KCNQ5: variants seen among roughly 807,000 people sequenced by gnomAD.
KCNQ5 encodes the protein potassium voltage-gated channel subfamily KQT member 5.
In KCNQ5, 30 loss-of-function variants were observed where a neutral mutation model predicts 98.2. That is an observed-to-expected ratio of 0.31 (90% CI 0.23 to 0.41). The LOEUF is 0.41. Ranked by LOEUF, KCNQ5 falls within the 10% of genes least tolerant of loss-of-function variation. The pLI is 1.00. For synonymous variants in KCNQ5, 458 were observed against 449.4 expected, an observed-to-expected ratio of 1.02 and a Z score of -0.24; for missense variants, 835 against 1,182.5, an observed-to-expected ratio of 0.71 and a Z score of 4.31.
At chr6:72,999,333 T>A (rs1481848134) in intron 1 of KCNQ5, among the ~76,000 whole-genome samples, 1 of 152,236 alleles carries the variant, frequency 6.6e-6, no homozygotes, top group Non-Finnish European at 1.5e-5. Flanking sequence ...TCTTTTTCTC[T>A]TACAATAATC....
At chr6:72,683,363 CTTTT>C (rs142268901) in intron 1 of KCNQ5, among the ~76,000 whole-genome samples, 71 of 113,254 alleles carry the variant, frequency 6.3e-4, no homozygotes, top group East Asian at 6.1e-3. Flanking sequence ...GCCACATATA[CTTTT>C]TTTTTTTTTT....
chr6:72,850,110 C>T (rs1239864087), intron 1 of KCNQ5, among the ~76,000 whole-genome samples: 19 of 151,656 alleles, frequency 1.3e-4, no homozygotes. Context: ...CTTCTTTTAC[C>T]CAAGATAAAA....
chr6:72,833,826 A>T (rs916638158), intron 1 of KCNQ5, among the ~76,000 whole-genome samples: 3 of 152,156 alleles, frequency 2.0e-5, no homozygotes, highest in African/African-American at 7.2e-5. Context: ...AAAAATTATG[A>T]CATATTTATA....
intron 1 of KCNQ5, among the ~76,000 whole-genome samples, chr6:72,707,493 A>G (rs1230810201): frequency 1.3e-5 from 2 of 152,236 alleles, no homozygotes; most frequent in Non-Finnish European, 2.9e-5. Context: ...AACAAAGTTT[A>G]TATTTGTTAA....
intron 3 of KCNQ5, among the ~76,000 whole-genome samples, chr6:73,070,184 A>G (rs778058435): frequency 6.6e-6 from 1 of 152,220 alleles, no homozygotes; most frequent in Non-Finnish European, 1.5e-5. Flanking sequence ...AAAAATAAAT[A>G]CGTTTACAAT....
At position 73,120,503 on chromosome 6, in the gene KCNQ5, A is replaced by G. The variant is rs544418404; in HGVS notation, c.1146A>G (p.Ala382=). 5.6e-6 allele frequency: 9 copies of G among 1,612,638 alleles called. No individual in the cohort carries two copies. In the East Asian group the frequency reaches 1.8e-4, roughly 32 times the overall value. Residue 382 remains alanine (A), a synonymous_variant, in exon 8 of 14, where the codon GCA becomes GCG. Coordinates refer to ENST00000370398, the MANE Select transcript of KCNQ5 (RefSeq NM_019842.4). ...TGCAGTGTGTTTGGCGTAGTTACGCAGCTGATGAGAAATCTGTTTCCATTG... is the reference window on the plus strand; with the variant it reads ...TGCAGTGTGTTTGGCGTAGTTACGCGGCTGATGAGAAATCTGTTTCCATTG... ...NLIQCVWRSY[A]ADEKSVSIAT... is the part of the protein sequence containing the mutation.
At chr6:73,129,938 G>T in intron 9 of KCNQ5, 2 of 1,002,438 alleles carry the variant, frequency 2.0e-6, no homozygotes, top group Non-Finnish European at 3.1e-6. Flanking sequence ...CCCCACCTGA[G>T]CCCTGTTCAG....
At chr6:72,953,910 CATT>C (rs1472092944) in intron 1 of KCNQ5, among the ~76,000 whole-genome samples, 1 of 152,092 alleles carries the variant, frequency 6.6e-6, no homozygotes, top group Non-Finnish European at 1.5e-5. Flanking sequence ...CACTCACAAT[CATT>C]AGTCTTTATC....
chr6:72,941,496 CT>C (rs1193115747), intron 1 of KCNQ5, among the ~76,000 whole-genome samples: 50 of 117,586 alleles, frequency 4.3e-4, no homozygotes, highest in Non-Finnish European at 5.9e-4. Flanking sequence ...CCCTTCTTTC[CT>C]TCCTTTTTCT....
At chr6:72,881,067 G>C (rs1043418370) in intron 1 of KCNQ5, among the ~76,000 whole-genome samples, 1 of 152,202 alleles carries the variant, frequency 6.6e-6, no homozygotes, top group South Asian at 2.1e-4. Context: ...AACTTTTAAT[G>C]AGTGATTGTC....
At chr6:72,746,745 T>C (rs952112134) in intron 1 of KCNQ5, among the ~76,000 whole-genome samples, 4 of 152,188 alleles carry the variant, frequency 2.6e-5, no homozygotes, top group Non-Finnish European at 5.9e-5. Flanking sequence ...GAAAATTTCA[T>C]TGAGGATAAT....
intron 10 of KCNQ5, among the ~76,000 whole-genome samples, chr6:73,158,976 G>T (rs961129940): frequency 1.3e-5 from 2 of 152,130 alleles, no homozygotes; most frequent in African/African-American, 4.8e-5. Flanking sequence ...TCTATAGTAG[G>T]TGATAAACAT....
intron 1 of KCNQ5, among the ~76,000 whole-genome samples, chr6:72,815,368 G>A (rs1378729383): frequency 6.6e-6 from 1 of 152,192 alleles, no homozygotes; most frequent in African/African-American, 2.4e-5. Context: ...TATAAACAAG[G>A]AGAGATGAAG....
At position 72,814,517 on chromosome 6, in the gene KCNQ5, G is replaced by A. The variant is rs566306598; in HGVS notation, c.399-189391G>A. On this transcript the variant is annotated intron_variant, in intron 1 of 13. Coordinates refer to ENST00000370398, the MANE Select transcript of KCNQ5 (RefSeq NM_019842.4). Reference sequence around the variant, plus strand: ...AGCAACGCCCGACACAGGAAGTTAAGCATTTTTGCATCATATGTCTTTTGC... The same window carrying A: ...AGCAACGCCCGACACAGGAAGTTAAACATTTTTGCATCATATGTCTTTTGC... Among the ~76,000 whole-genome samples the A allele has an allele frequency of 2.6e-5, 4 of 152,326 alleles. No individual in the cohort carries two copies. In the East Asian group the frequency reaches 5.8e-4, roughly 22 times the overall value.
At chr6:72,678,920 G>T (rs1004786441) in intron 1 of KCNQ5, among the ~76,000 whole-genome samples, 2 of 152,024 alleles carry the variant, frequency 1.3e-5, no homozygotes, top group Admixed American at 6.6e-5. Flanking sequence ...TATTAGAAAA[G>T]CCAATAAAAT....
intron 1 of KCNQ5, among the ~76,000 whole-genome samples, chr6:72,814,518 C>A (rs1009109197): frequency 3.4e-4 from 52 of 152,218 alleles, no homozygotes; most frequent in Admixed American, 2.3e-3. Context: ...GGAAGTTAAG[C>A]ATTTTTGCAT....
intron 9 of KCNQ5, among the ~76,000 whole-genome samples, chr6:73,132,959 G>T (rs1776293959): frequency 6.6e-6 from 1 of 152,204 alleles, no homozygotes; most frequent in Non-Finnish European, 1.5e-5. Context: ...AATATAAAAT[G>T]CATGCCAAAT....
chr6:72,685,864 C>A (rs1468049190), intron 1 of KCNQ5, among the ~76,000 whole-genome samples: 3 of 152,172 alleles, frequency 2.0e-5, no homozygotes, highest in African/African-American at 4.8e-5. Context: ...GTGGCTTAAA[C>A]AATAGACATT....
intron 1 of KCNQ5, among the ~76,000 whole-genome samples, chr6:72,965,408 G>A (rs1582101515): frequency 6.6e-6 from 1 of 152,162 alleles, no homozygotes; most frequent in Non-Finnish European, 1.5e-5. Context: ...ATATCCCTAC[G>A]AGCAATGGCT....
Sources: allele counts gnomAD v4.1 joint callset (sites outside exome capture counted in the v4.1 genomes callset), GRCh38; gene constraint gnomAD v4.1.1; transcripts MANE v1.5; gene names NCBI Gene and HGNC (gene_info 2026-07-23, HGNC 2026-07-21).